The following PTPRS variants were observed in gnomAD, a reference collection of about 807,000 sequenced individuals.
The protein encoded by PTPRS is receptor-type tyrosine-protein phosphatase S.
PTPRS carries 63 observed loss-of-function variants against 215.3 expected under a neutral mutation model. That is an observed-to-expected ratio of 0.29 (90% CI 0.24 to 0.36). PTPRS has a LOEUF of 0.36. Among genes scored for constraint, PTPRS ranks in the 10% least tolerant of loss-of-function variants. PTPRS has a pLI of 1.00. For synonymous variants in PTPRS, 1,404 were observed against 1,191.4 expected, an observed-to-expected ratio of 1.18 and a Z score of -3.68; for missense variants, 2,258 against 2,825.8, an observed-to-expected ratio of 0.80 and a Z score of 4.56.
At chr19:5,319,439 G>C (rs912851769) in intron 1 of PTPRS, among the ~76,000 whole-genome samples, 4 of 133,042 alleles carry the variant, frequency 3.0e-5, no homozygotes, top group African/African-American at 1.1e-4. Flanking sequence ...TTTTTAAAAA[G>C]CTATCCCAAA....
At position 5,244,475 on chromosome 19, in the gene PTPRS, G is replaced by T; in HGVS notation, c.996C>A (p.Pro332=). The T allele has an allele frequency of 6.2e-7, 1 of 1,613,132 alleles. No homozygotes were observed. Among genetic ancestry groups the T allele is most frequent in the Non-Finnish European group, 8.5e-7 (1 of 1,179,422 alleles). Residue 332 remains proline (P), a synonymous_variant, in exon 11 of 38, where the codon CCC becomes CCA. Transcript: ENST00000262963. This position sits in a 1 kb window ranked among gnomAD's most constrained non-coding sequence, Gnocchi z 7.2. ...TCACCATGGGAGTCCCGGGAGCTTTGGGGAGAGCTGTGGGCAGGAGGCAGC... is the reference window on the plus strand; with the variant it reads ...TCACCATGGGAGTCCCGGGAGCTTTTGGGAGAGCTGTGGGCAGGAGGCAGC... ...AVAQITVKSL[P]KAPGTPMVTE...
At position 5,222,819 on chromosome 19, in the gene PTPRS, C is replaced by G. The variant is rs571286007; in HGVS notation, c.2973G>C (p.Ala991=). 2.5e-6 allele frequency: 4 copies of G among 1,596,150 alleles called. No individual in the cohort carries two copies. The highest frequency in any genetic ancestry group is 2.2e-5 in the South Asian group (2 of 90,792). Residue 991 remains alanine, a synonymous_variant, in exon 18 of 38, where the codon GCG becomes GCC. Coordinates refer to ENST00000262963, the MANE Select transcript of PTPRS (RefSeq NM_002850.4). The part of the protein sequence containing the change: ...TELPAAAEPG[A]ENALTLQGLK... ...GGCCCTGCAGCGTGAGCGCGTTCTC[C>G]GCGCCCGGCTCAGCCGCTGCCGGCA... is the stretch of plus-strand genomic sequence containing the variant.
Position 5,219,972 on chromosome 19 carries a change from G to T in PTPRS, c.3732C>A (p.Leu1244=). The T allele has an allele frequency of 6.2e-7, 1 of 1,613,980 alleles. No homozygotes were observed. The change falls in exon 22 of 38, where the codon CTC becomes CTA. Residue 1244 remains leucine (L), a synonymous_variant. Transcript: ENST00000262963. ...RGLEPGHRYV[L]FVLAVLQKSE... ...TCTTCTGAAGCACGGCAAGCACGAA[G>T]AGGACATAGCGGTGGCCGGGCTCCA...
chr19:5,273,652 G>A lies in PTPRS; in HGVS notation c.238-69C>T. The A allele has an allele frequency of 4.5e-6, 7 of 1,568,314 alleles. 2 individuals are homozygous for A. The South Asian group carries it at 8.0e-5, about 18-fold the overall frequency. On this transcript the variant is annotated intron_variant, in intron 3 of 37. Coordinates refer to ENST00000262963, the MANE Select transcript of PTPRS (RefSeq NM_002850.4). ...CCAGGAAGGTTCCTGTCTAGGCTGGGCTAGGCTGGGCTGTAGGGGAATGGC... is the reference window on the plus strand; with the variant it reads ...CCAGGAAGGTTCCTGTCTAGGCTGGACTAGGCTGGGCTGTAGGGGAATGGC...
At chr19:5,248,129 C>G (rs902030032) in intron 9 of PTPRS, among the ~76,000 whole-genome samples, 9 of 151,696 alleles carry the variant, frequency 5.9e-5, no homozygotes, top group African/African-American at 1.9e-4. Context: ...CGGTCCAGGC[C>G]AGCCGCCGGC....
At position 5,287,462 on chromosome 19, in the gene PTPRS, T is replaced by C. The variant is rs140529174; in HGVS notation, c.-94-1228A>G. ...GAACCCTGGAATGGCCCCCTCCCCA[T>C]CTCCCCAATCTCCACTCTGTCCAGA... On this transcript the variant is annotated intron_variant, in intron 1 of 37. Transcript: ENST00000262963. This position sits in a 1 kb window ranked among gnomAD's most constrained non-coding sequence, Gnocchi z 4.8. Among the ~76,000 whole-genome samples the C allele has an allele frequency of 7.9e-4, 120 of 152,000 alleles. No homozygotes were observed. Among genetic ancestry groups the C allele is most frequent in the African/African-American group, 1.9e-3 (80 of 41,444 alleles).
At chr19:5,263,222 G>A (rs1219600421) in intron 5 of PTPRS, among the ~76,000 whole-genome samples, 1 of 152,174 alleles carries the variant, frequency 6.6e-6, no homozygotes, top group East Asian at 1.9e-4. Flanking sequence ...TGGGGAAACT[G>A]AGGCCACCGC....
At chr19:5,235,410 G>T (rs2043360852) in intron 13 of PTPRS, among the ~76,000 whole-genome samples, 2 of 152,136 alleles carry the variant, frequency 1.3e-5, no homozygotes, top group African/African-American at 2.4e-5. Flanking sequence ...ACTGTGCCAA[G>T]GGCTTTGCAG....
chr19:5,227,819 A>G (rs910521948), intron 16 of PTPRS, among the ~76,000 whole-genome samples: 4 of 152,160 alleles, frequency 2.6e-5, no homozygotes, highest in African/African-American at 9.7e-5. Flanking sequence ...TAGGTGCTCA[A>G]TAAGTGAGTG....
At chr19:5,245,214 TC>T (rs1414999540) in intron 10 of PTPRS, among the ~76,000 whole-genome samples, 1 of 150,902 alleles carries the variant, frequency 6.6e-6, no homozygotes, top group African/African-American at 2.4e-5. Context: ...GGTCTCAAAC[TC>T]CTGACCTCAG....
intron 1 of PTPRS, among the ~76,000 whole-genome samples, chr19:5,315,546 T>C: frequency 6.6e-6 from 1 of 151,382 alleles, no homozygotes. Context: ...AAAATTTTTT[T>C]CAGAGATGGG....
chr19:5,339,832 C>G lies in PTPRS; in HGVS notation c.-95+832G>C, dbSNP rs562726873. Among the ~76,000 whole-genome samples the G allele has an allele frequency of 2.0e-4, 30 of 151,876 alleles. No individual in the cohort carries two copies. Among genetic ancestry groups the G allele is most frequent in the African/African-American group, 7.0e-4 (29 of 41,504 alleles). On this transcript the variant is annotated intron_variant, in intron 1 of 37. Coordinates refer to ENST00000262963, the MANE Select transcript of PTPRS (RefSeq NM_002850.4). The surrounding 1 kb of genome is among the most constrained non-coding windows in gnomAD (Gnocchi z 4.2). ...CTGGCGGTTCCAGGGGCGGCTTCCC[C>G]ACTCTCGGGATCCCCACGGGGCCCC...
chr19:5,277,234 A>AT (rs926225246), intron 2 of PTPRS, among the ~76,000 whole-genome samples: 10 of 150,772 alleles, frequency 6.6e-5, no homozygotes, highest in African/African-American at 2.2e-4. Flanking sequence ...TAATTTTTTT[A>AT]TTTTTTTTCC....
intron 1 of PTPRS, among the ~76,000 whole-genome samples, chr19:5,323,992 G>A (rs570756260): frequency 2.4e-4 from 36 of 152,122 alleles, no homozygotes; most frequent in African/African-American, 8.4e-4. Flanking sequence ...CACTTTGGGA[G>A]GCCAAGGTGG....
Position 5,237,204 on chromosome 19 carries a change from A to G in PTPRS, c.1849+1715T>C, listed in dbSNP as rs542315343. 2.6e-5 allele frequency among the ~76,000 whole-genome samples: 4 copies of G among 152,136 alleles called. No individual in the cohort carries two copies. Among genetic ancestry groups the G allele is most frequent in the Non-Finnish European group, 5.9e-5 (4 of 68,008 alleles). On this transcript the variant is annotated intron_variant, in intron 13 of 37. Coordinates refer to ENST00000262963, the MANE Select transcript of PTPRS (RefSeq NM_002850.4). The surrounding 1 kb of genome is among the most constrained non-coding windows in gnomAD (Gnocchi z 4.2). ...CACGCTGAGGTTCCAGGCTGGAGGCAGGAAGGTGGCACGGTGTCTGGGGAG... is the reference window on the plus strand; with the variant it reads ...CACGCTGAGGTTCCAGGCTGGAGGCGGGAAGGTGGCACGGTGTCTGGGGAG...
In PTPRS at chr19:5,212,189, G is replaced by C; in HGVS notation, c.4831C>G (p.Pro1611Ala). ...CCATAGACATCGACTGTCTTCTCTG[G>C]CTTGATCCGCTCAAGCATGGCGTCG... ...VIDAMLERIKPEKTVDVYGHV... is the reference protein window; with the variant it reads ...VIDAMLERIKAEKTVDVYGHV... The change falls in exon 32 of 38, where the codon CCA becomes GCA. Residue 1611 changes from proline (P) to alanine (A), a missense_variant. Around this residue, in one of 6 missense-constraint regions of PTPRS, gnomAD observed 927 missense variants for 1,125.9 expected, o/e 0.82. Coordinates refer to ENST00000262963, the MANE Select transcript of PTPRS (RefSeq NM_002850.4). 2 of 1,613,920 alleles carry C rather than the reference G, an allele frequency of 1.2e-6. No individual in the cohort carries two copies. Among genetic ancestry groups the C allele is most frequent in the Non-Finnish European group, 1.7e-6 (2 of 1,180,054 alleles).
chr19:5,296,950 A>G (rs543479843), intron 1 of PTPRS, among the ~76,000 whole-genome samples: 18 of 152,242 alleles, frequency 1.2e-4, no homozygotes, highest in African/African-American at 4.3e-4. Flanking sequence ...AGAAAGGCAC[A>G]TTCTAGGCAG....
chr19:5,228,347 G>GAAAAAAAAAAAAAAAAAAAA (rs71170899), intron 16 of PTPRS, among the ~76,000 whole-genome samples: 4 of 105,886 alleles, frequency 3.8e-5, no homozygotes, highest in African/African-American at 1.7e-4. Context: ...TCCGTCTGGA[G>GAAAAAAAAAAAAAAAAAAAA]AAAAAAAAAA....
rs1256793871 is a variant in PTPRS at position 5,240,430 on chromosome 19, G to A, written c.1571-98C>T. 20 of 1,253,318 alleles carry A rather than the reference G, an allele frequency of 1.6e-5. No individual in the cohort carries two copies. The Admixed American group carries it at 6.4e-4, about 40-fold the overall frequency. The allele number at this position is 1,253,318 out of a possible 1,614,324, so 77.6% of individuals were successfully genotyped here. ...GTCCCCACTAAAAGATGCCAGCTCT[G>A]GGTGCTTCTAGAATGTTCTTTTATT... On this transcript the variant is annotated intron_variant, in intron 11 of 37. Coordinates refer to ENST00000262963, the MANE Select transcript of PTPRS (RefSeq NM_002850.4).
Sources: allele counts gnomAD v4.1 joint callset (sites outside exome capture counted in the v4.1 genomes callset), GRCh38; gene constraint gnomAD v4.1.1; regional missense constraint gnomAD v4.1.1; non-coding constraint Gnocchi (gnomAD v3.1); transcripts MANE v1.5; gene names NCBI Gene and HGNC (gene_info 2026-07-23, HGNC 2026-07-21).